ARHGAP42: variants seen among roughly 807,000 people sequenced by gnomAD.
The protein encoded by ARHGAP42 is rho GTPase-activating protein 42.
Under a neutral mutation model 125.0 loss-of-function variants are expected in ARHGAP42, and 63 were observed. The observed-to-expected ratio is 0.50, with a 90% CI of 0.41 to 0.62. ARHGAP42 has a LOEUF of 0.62. ARHGAP42 is among the 20% of genes least tolerant of loss of function. The probability of loss-of-function intolerance (pLI) is 0.00; values close to 1 mark genes in which losing one functional copy is unlikely to be tolerated. For missense variants in ARHGAP42, 766 were observed against 1,024.2 expected (o/e 0.75, Z 3.44); for synonymous variants, 339 against 351.0 (o/e 0.97, Z 0.38).
At chr11:100,948,386 A>G (rs527514762) in intron 10 of ARHGAP42, 71 bp from the exon 11 acceptor site, 2 of 1,105,052 alleles carry the variant, frequency 1.8e-6, no homozygotes, top group South Asian at 4.2e-5. Context: ...TTCAAATTTT[A>G]TCTTTTTAGT....
intron 2 of ARHGAP42, among the ~76,000 whole-genome samples, chr11:100,773,754 T>C (rs911494266): frequency 6.6e-6 from 1 of 152,212 alleles, no homozygotes; most frequent in Non-Finnish European, 1.5e-5. Context: ...TGTGCAGCTG[T>C]TGCAGATTAG....
At chr11:100,733,824 GGA>G (rs1862003853) in intron 1 of ARHGAP42, among the ~76,000 whole-genome samples, 1 of 29,786 alleles carries the variant, frequency 3.4e-5, no homozygotes. Flanking sequence ...GATTCTGTCT[GGA>G]AAAAAAAAAA....
intron 22 of ARHGAP42, among the ~76,000 whole-genome samples, chr11:100,986,510 T>C (rs1354598427): frequency 6.6e-6 from 1 of 151,974 alleles, no homozygotes; most frequent in Admixed American, 6.6e-5. Flanking sequence ...AGTTGAAGGG[T>C]TGTCAGGGAA....
rs996297848 is a variant in ARHGAP42 at position 100,993,399 on chromosome 11, T to A, written c.*4598T>A. The A allele has an allele frequency of 1.2e-5, 2 of 167,060 alleles. No homozygotes were observed. The highest frequency in any genetic ancestry group is 4.8e-5 in the African/African-American group (2 of 41,458). 10.3% of individuals were successfully genotyped at this position (167,060 alleles called of 1,614,324 possible). Reference sequence around the variant, plus strand: ...TTTTGAGGCTTTATATCTGCCCGTGTACCCTCAACTGCCTCCTTTTTGCAG... The same window carrying A: ...TTTTGAGGCTTTATATCTGCCCGTGAACCCTCAACTGCCTCCTTTTTGCAG... On this transcript the variant is annotated 3_prime_UTR_variant, in exon 24 of 24. Transcript: ENST00000298815.
intron 4 of ARHGAP42, among the ~76,000 whole-genome samples, chr11:100,906,999 G>C (rs751824306): frequency 6.6e-5 from 10 of 152,108 alleles, no homozygotes; most frequent in Non-Finnish European, 1.2e-4. Flanking sequence ...GCATCTCATT[G>C]AGAGATACAC....
chr11:100,939,362 A>G (rs1197106375), intron 8 of ARHGAP42, among the ~76,000 whole-genome samples: 1 of 152,130 alleles, frequency 6.6e-6, no homozygotes, highest in Non-Finnish European at 1.5e-5. Context: ...TAAGAATAAT[A>G]CTATGCTTAC....
chr11:100,846,123 TAGA>T (rs964712812), intron 3 of ARHGAP42, among the ~76,000 whole-genome samples: 3 of 152,134 alleles, frequency 2.0e-5, no homozygotes, highest in African/African-American at 7.2e-5. Flanking sequence ...CTTTTAGAAG[TAGA>T]AGTAAAAAGT....
At chr11:100,881,554 A>T (rs1321010854) in intron 4 of ARHGAP42, among the ~76,000 whole-genome samples, 1 of 152,084 alleles carries the variant, frequency 6.6e-6, no homozygotes, top group African/African-American at 2.4e-5. Context: ...TGGTTTGGCT[A>T]TGTGGGCTCT....
At chr11:100,786,316 A>C (rs1863432600) in intron 2 of ARHGAP42, among the ~76,000 whole-genome samples, 1 of 152,240 alleles carries the variant, frequency 6.6e-6, no homozygotes, top group African/African-American at 2.4e-5. Flanking sequence ...CACAACACTT[A>C]TTGCATTGAC....
At chr11:100,782,745 G>C (rs1442047219) in intron 2 of ARHGAP42, among the ~76,000 whole-genome samples, 2 of 152,144 alleles carry the variant, frequency 1.3e-5, no homozygotes, top group Non-Finnish European at 2.9e-5. Context: ...TGATTCAGGG[G>C]GCAGTGGAGA....
chr11:100,741,245 G>T (rs1449200411), intron 1 of ARHGAP42, among the ~76,000 whole-genome samples: 1 of 152,096 alleles, frequency 6.6e-6, no homozygotes, highest in East Asian at 1.9e-4. Context: ...CGGCGAGGCT[G>T]GTCTCAAACT....
At chr11:100,727,430 G>A (rs1475103846) in intron 1 of ARHGAP42, among the ~76,000 whole-genome samples, 2 of 152,242 alleles carry the variant, frequency 1.3e-5, no homozygotes, top group Admixed American at 6.5e-5. Flanking sequence ...TAGGAGCATC[G>A]TTTGTTCTCC....
chr11:100,947,414 G>T (rs1268332303), intron 10 of ARHGAP42, among the ~76,000 whole-genome samples: 2 of 151,830 alleles, frequency 1.3e-5, no homozygotes, highest in Admixed American at 6.6e-5. Context: ...ACACATTCCG[G>T]TTATATAACC....
At chr11:100,982,683 A>G (rs1858574847) in intron 22 of ARHGAP42, among the ~76,000 whole-genome samples, 1 of 152,206 alleles carries the variant, frequency 6.6e-6, no homozygotes, top group Non-Finnish European at 1.5e-5. Context: ...CTATACAAAT[A>G]TGTTTTGAAG....
intron 2 of ARHGAP42, among the ~76,000 whole-genome samples, chr11:100,780,284 G>C (rs1007221869): frequency 6.6e-6 from 1 of 152,080 alleles, no homozygotes; most frequent in Non-Finnish European, 1.5e-5. Context: ...GGTGGATAGA[G>C]AGTCAAGGAG....
chr11:100,883,841 T>C (rs566940236), intron 4 of ARHGAP42, among the ~76,000 whole-genome samples: 2 of 152,240 alleles, frequency 1.3e-5, no homozygotes, highest in African/African-American at 2.4e-5. Flanking sequence ...CCCTGGTTCT[T>C]TGTTGGATGC....
At chr11:100,861,350 T>C (rs1307216467) in intron 4 of ARHGAP42, among the ~76,000 whole-genome samples, 2 of 152,180 alleles carry the variant, frequency 1.3e-5, no homozygotes, top group South Asian at 2.1e-4. Context: ...TGCAGCTTTA[T>C]AAATGACTCA....
At chr11:100,831,570 A>G (rs1186848297) in intron 3 of ARHGAP42, among the ~76,000 whole-genome samples, 1 of 152,168 alleles carries the variant, frequency 6.6e-6, no homozygotes, top group African/African-American at 2.4e-5. Context: ...TGTATAGGGA[A>G]GCTCACATTC....
At chr11:100,961,564 G>T in intron 14 of ARHGAP42, 120 bp from the exon 15 acceptor site, 1 of 777,248 alleles carries the variant, frequency 1.3e-6, no homozygotes, top group South Asian at 1.9e-5. Flanking sequence ...TTAACTCTTG[G>T]CATTCTAAGA....
Sources: gnomAD v4.1 joint callset for allele counts (sites outside exome capture counted in the v4.1 genomes callset) on GRCh38, gnomAD v4.1.1 for gene constraint, MANE v1.5 for transcripts, NCBI Gene and HGNC (gene_info 2026-07-23, HGNC 2026-07-21) for gene names.